Variants in FBF1 observed in about 807,000 individuals in gnomAD.
FBF1 encodes fas-binding factor 1.
Under a neutral mutation model 147.2 loss-of-function variants are expected in FBF1, and 119 were observed. The ratio of observed to expected loss-of-function variants is 0.81; its 90% CI spans 0.70 to 0.94. FBF1 has a LOEUF of 0.94. Among genes scored for constraint, FBF1 ranks in the 40% least tolerant of loss-of-function variants. The pLI, the probability that FBF1 is intolerant of heterozygous loss-of-function variation, is 0.00. For synonymous variants in FBF1, 601 were observed against 609.0 expected (o/e 0.99, Z 0.19); for missense variants, 1,449 against 1,500.8 (o/e 0.97, Z 0.57).
In FBF1 at chr17:75,914,241, C is replaced by A; in HGVS notation, c.2872G>T (p.Ala958Ser). The change falls in exon 26 of 30, where the codon GCA becomes TCA. Residue 958 changes from alanine (A) to serine (S), a missense_variant. Physicochemically the swap from Ala to Ser is moderately conservative, Grantham distance 99. Coordinates refer to ENST00000636174, the MANE Select transcript of FBF1 (RefSeq NM_001319193.2). ...TGCTCCAGGGCTGCTCTCTCCGCTG[C>A]CAGCTGCTTCTCCTCGGCCCGGAGC... ...SELRAEEKQL[A>S]AERAALEQER... 6.3e-7 allele frequency: 1 copy of A among 1,594,042 alleles called. No individual in the cohort carries two copies. The highest frequency in any genetic ancestry group is 8.5e-7 in the Non-Finnish European group (1 of 1,172,676).
rs2065505453 is a variant in FBF1 at position 75,918,802 on chromosome 17, TTTC to T, written c.2139-536_2139-534del. On this transcript the variant is annotated intron_variant, in intron 20 of 29. Coordinates refer to ENST00000636174, the MANE Select transcript of FBF1 (RefSeq NM_001319193.2). This position sits in a 1 kb window ranked among gnomAD's most constrained non-coding sequence, Gnocchi z 5.8. ...CCACCACGCCCGGCCCCAAGCAGTC[TTTC>T]TTTTTTTTTTTTTTTTTCCTAGAGA... 6.7e-6 allele frequency among the ~76,000 whole-genome samples: 1 copy of T among 149,344 alleles called. No individual in the cohort carries two copies. The highest frequency in any genetic ancestry group is 1.5e-5 in the Non-Finnish European group (1 of 67,614).
Position 75,912,279 on chromosome 17 carries a change from A to G in FBF1, c.3276T>C (p.Arg1092=). The G allele has an allele frequency of 6.2e-7, 1 of 1,608,644 alleles. No homozygotes were observed. Among genetic ancestry groups the G allele is most frequent in the South Asian group, 1.1e-5 (1 of 90,320 alleles). ...SALMPPAPTT[R]WCSQPPTGLD... ...GGCCAGTTGGCGGCTGGCTGCACCA[A>G]CGGGTGGTGGGAGCAGGAGGCATGA... Residue 1092 remains arginine, a synonymous_variant, in exon 29 of 30, where the codon CGT becomes CGC. Coordinates refer to ENST00000636174, the MANE Select transcript of FBF1 (RefSeq NM_001319193.2).
chr17:75,923,486 G>C lies in FBF1; in HGVS notation c.1124C>G (p.Thr375Ser). Reference sequence around the variant, plus strand: ...TGAACTTTCCCGATGGGCCTCTCTGGTGGGTGAGGCAGGGAACAGGTCCAA... The same window carrying C: ...TGAACTTTCCCGATGGGCCTCTCTGCTGGGTGAGGCAGGGAACAGGTCCAA... ...EDLDLFPASP[T>S]REAHRESSVP... The change falls in exon 14 of 30, where the codon ACC (threonine) becomes AGC (serine). Residue 375 changes from threonine to serine, a missense_variant. Thr to Ser is a moderately conservative substitution (Grantham distance 58). Transcript: ENST00000636174. The surrounding 1 kb of genome is among the most constrained non-coding windows in gnomAD (Gnocchi z 4.1). 2 of 1,608,172 alleles carry C rather than the reference G, an allele frequency of 1.2e-6. No homozygotes were observed. Among genetic ancestry groups the C allele is most frequent in the South Asian group, 1.1e-5 (1 of 89,694 alleles).
rs1252981374 is a variant in FBF1, at chr17:75,919,052, G to C, written c.2138+616C>G. ...GTTTCCCAAGTAGCTGGAACTACAG[G>C]AGTAGCTGTCATGCCAGCTTATTTA... On this transcript the variant is annotated intron_variant, in intron 20 of 29. Transcript: ENST00000636174. The surrounding 1 kb of genome is among the most constrained non-coding windows in gnomAD (Gnocchi z 5.0). 6.6e-6 allele frequency among the ~76,000 whole-genome samples: 1 copy of C among 152,006 alleles called. No homozygotes were observed. The highest frequency in any genetic ancestry group is 1.5e-5 in the Non-Finnish European group (1 of 68,018).
Position 75,910,739 on chromosome 17 carries a change from G to A in FBF1, c.3431C>T (p.Thr1144Ile), listed in dbSNP as rs1170395278. The A allele has an allele frequency of 6.2e-6, 10 of 1,609,984 alleles. No homozygotes were observed. The highest frequency in any genetic ancestry group is 7.6e-6 in the Non-Finnish European group (9 of 1,178,412). The change falls in exon 30 of 30, where the codon ACA becomes ATA. Residue 1144 changes from threonine (T) to isoleucine (I), a missense_variant. By Grantham distance (89) the Thr-to-Ile change is moderately conservative. Transcript: ENST00000636174. The surrounding 1 kb of genome is among the most constrained non-coding windows in gnomAD (Gnocchi z 4.1). ...ETLKKGSYNL[T>I]SHSA ...GGGTCCCACTCAGGCTGAATGAGAT[G>A]TCAAATTGTAGGACCCTTTCTTCAG...
rs754918360 is a variant in FBF1 at position 75,919,996 on chromosome 17, C to T, written c.1931+11G>A. On this transcript the variant is annotated intron_variant, in intron 19 of 29. Coordinates refer to ENST00000636174, the MANE Select transcript of FBF1 (RefSeq NM_001319193.2). This position sits in a 1 kb window ranked among gnomAD's most constrained non-coding sequence, Gnocchi z 5.0. The stretch of plus-strand genomic sequence containing the variant: ...AGATCCAAGGCAGAGCTGGGGCCAG[C>T]GCCAGGGTACCTGTGTGCACTCTCG... 2.7e-5 allele frequency: 43 copies of T among 1,607,830 alleles called. No homozygotes were observed. The highest frequency in any genetic ancestry group is 1.9e-4 in the South Asian group (17 of 90,558).
chr17:75,926,098 A>G lies in FBF1; in HGVS notation c.800T>C (p.Leu267Pro), dbSNP rs753223321. The change falls in exon 12 of 30, where the codon CTC becomes CCC. Residue 267 changes from leucine (L) to proline (P), a missense_variant. Leu to Pro is a moderately conservative substitution (Grantham distance 98). Transcript: ENST00000636174. ...CTCCCCGGTGCCCGGGCGGGCCAGG[A>G]GTTTGGTGGCCATGCCTCGACCCAG... ...ELLGRGMATK[L>P]LARPGTGEHR... 1 of 1,612,142 alleles carries G rather than the reference A, an allele frequency of 6.2e-7. No homozygotes were observed. The highest frequency in any genetic ancestry group is 1.1e-5 in the South Asian group (1 of 90,916).
In FBF1 at chr17:75,927,501, CG is replaced by C. The variant is rs1555613652; in HGVS notation, c.428del (p.Pro143ArgfsTer22). On this transcript the variant is annotated frameshift_variant, in exon 9 of 30. Coordinates refer to ENST00000636174, the MANE Select transcript of FBF1 (RefSeq NM_001319193.2). LOFTEE classifies it high-confidence loss of function. ...GGAIPTKKSL[P>X]SPSSSGHQNR... ...TCTGATGCCCAGAGCTGCTGGGAGA[CG>C]GAAGTGACTTCTTGGTGGGAATGGC... 6 of 1,603,706 alleles carry C rather than the reference CG, an allele frequency of 3.7e-6. No individual in the cohort carries two copies. Among genetic ancestry groups the C allele is most frequent in the Non-Finnish European group, 5.1e-6 (6 of 1,175,820 alleles).
chr17:75,920,674 C>G (rs1247125012), intron 17 of FBF1, among the ~76,000 whole-genome samples: 2 of 152,214 alleles, frequency 1.3e-5, no homozygotes, highest in Non-Finnish European at 2.9e-5. Context: ...CCAGCATGGT[C>G]TCCGGCTTCC....
Position 75,909,648 on chromosome 17 carries a change from T to C in FBF1, c.*1075A>G, listed in dbSNP as rs2065446440. 3.5e-6 allele frequency: 2 copies of C among 569,472 alleles called. No individual in the cohort carries two copies. Among genetic ancestry groups the C allele is most frequent in the Admixed American group, 6.0e-5 (2 of 33,340 alleles). The allele number at this position is 569,472 out of a possible 1,614,324, so 35.3% of individuals were successfully genotyped here. A position where few individuals can be genotyped will look rare whatever the true frequency, so the allele number is the denominator to read the frequency against. On this transcript the variant is annotated 3_prime_UTR_variant, in exon 30 of 30. Coordinates refer to ENST00000636174, the MANE Select transcript of FBF1 (RefSeq NM_001319193.2). ...GTTTGAAGCAGGGCTAATAGTACCCTTCTCCTGGCTGTGGTCCAGCTGCCA... is the reference window on the plus strand; with the variant it reads ...GTTTGAAGCAGGGCTAATAGTACCCCTCTCCTGGCTGTGGTCCAGCTGCCA...
At chr17:75,932,902 C>A (rs1479621250) in intron 5 of FBF1, 93 bp downstream of exon 5, 2 of 708,890 alleles carry the variant, frequency 2.8e-6, no homozygotes, top group Non-Finnish European at 2.1e-6. Context: ...AAAAAAATGG[C>A]GAGCAAATGT....
At position 75,909,794 on chromosome 17, in the gene FBF1, C is replaced by T; in HGVS notation, c.*929G>A. The T allele has an allele frequency of 1.6e-6, 1 of 643,364 alleles. No homozygotes were observed. The highest frequency in any genetic ancestry group is 1.7e-5 in the South Asian group (1 of 58,320). 39.9% of individuals were successfully genotyped at this position (643,364 alleles called of 1,614,324 possible). A position where few individuals can be genotyped will look rare whatever the true frequency, so the allele number is the denominator to read the frequency against. ...CATCTGCCTGTTCTTTGGGACTTGT[C>T]CAGCAAATAACAGGAAACATTTTCT... is the stretch of plus-strand genomic sequence containing the variant. On this transcript the variant is annotated 3_prime_UTR_variant, in exon 30 of 30. Transcript: ENST00000636174.
intron 25 of FBF1, 49 bp from the exon 26 acceptor site, chr17:75,914,347 G>A: frequency 6.5e-7 from 1 of 1,548,132 alleles, no homozygotes; most frequent in Non-Finnish European, 8.7e-7. Context: ...GAATTGCGCT[G>A]CACTCTGTGC....
chr17:75,912,154 C>G, intron 29 of FBF1, 38 bp downstream of exon 29: 1 of 1,560,746 alleles, frequency 6.4e-7, no homozygotes, highest in East Asian at 2.3e-5. Flanking sequence ...TGGAAGGACT[C>G]GTGAACACAA....
rs79198103 is a variant in FBF1 at position 75,918,127 on chromosome 17, A to G, written c.2246+35T>C. 71 of 1,609,810 alleles carry G rather than the reference A, an allele frequency of 4.4e-5. No individual in the cohort carries two copies. The highest frequency in any genetic ancestry group is 1.6e-4 in the African/African-American group (12 of 74,958). ...GGTCTCGGGGACCTTCCGGCCCCCA[A>G]CGTCAGGCGGGCATGGTTGGGGCAG... On this transcript the variant is annotated intron_variant, in intron 21 of 29. Coordinates refer to ENST00000636174, the MANE Select transcript of FBF1 (RefSeq NM_001319193.2). The surrounding 1 kb of genome is among the most constrained non-coding windows in gnomAD (Gnocchi z 5.8).
In FBF1 at chr17:75,914,922, A is replaced by G. The variant is rs2065479338; in HGVS notation, c.2639T>C (p.Leu880Pro). The change falls in exon 25 of 30, where the codon CTG becomes CCG. Residue 880 changes from leucine (L) to proline (P), a missense_variant. Transcript: ENST00000636174. Reference protein sequence around the residue: ...AELERAKSALLEEQKSVMLKC... With the variant: ...AELERAKSALPEEQKSVMLKC... The stretch of plus-strand genomic sequence containing the variant: ...GAGCATGACAGACTTCTGCTCCTCC[A>G]GCAAGGCGCTCTGGGATGTGGGGGT... 6.2e-7 allele frequency: 1 copy of G among 1,611,262 alleles called. No homozygotes were observed. The highest frequency in any genetic ancestry group is 8.5e-7 in the Non-Finnish European group (1 of 1,178,894).
chr17:75,910,615 T>C lies in FBF1; in HGVS notation c.*108A>G, dbSNP rs2065451239. The C allele has an allele frequency of 2.1e-6, 2 of 947,984 alleles. No homozygotes were observed. Among genetic ancestry groups the C allele is most frequent in the South Asian group, 3.0e-5 (2 of 65,924 alleles). 58.7% of individuals were successfully genotyped at this position (947,984 alleles called of 1,614,324 possible). A position where few individuals can be genotyped will look rare whatever the true frequency, so the allele number is the denominator to read the frequency against. ...TCCACGGAAGAGCTGTCATCAGGCC[T>C]CAAGCATCTCAGAATCCTCCCCAGG... On this transcript the variant is annotated 3_prime_UTR_variant, in exon 30 of 30. Transcript: ENST00000636174. The surrounding 1 kb of genome is among the most constrained non-coding windows in gnomAD (Gnocchi z 4.1).
At position 75,930,043 on chromosome 17, in the gene FBF1, GA is replaced by G; in HGVS notation, c.232del (p.Ser78GlnfsTer15). On this transcript the variant is annotated frameshift_variant, in exon 7 of 30. Coordinates refer to ENST00000636174, the MANE Select transcript of FBF1 (RefSeq NM_001319193.2). LOFTEE classifies it high-confidence loss of function. ...CTGTGGGTCTGCCTCTGAGATACCT[GA>G]AACCTAAGTCCACAATGAGGGTGAG... ...AGLEEADAEV[S>X]GISEADPQAL... 6.6e-7 allele frequency: 1 copy of G among 1,505,580 alleles called. No individual in the cohort carries two copies. Among genetic ancestry groups the G allele is most frequent in the Non-Finnish European group, 8.9e-7 (1 of 1,122,522 alleles). The allele number at this position is 1,505,580 out of a possible 1,614,324, so 93.3% of individuals were successfully genotyped here.
At chr17:75,940,038 C>T (rs1232321620) in intron 1 of FBF1, among the ~76,000 whole-genome samples, 2 of 150,656 alleles carry the variant, frequency 1.3e-5, no homozygotes, top group African/African-American at 4.9e-5. Context: ...CTCAGCCTCC[C>T]GGGTTCAAGC....
Sources: allele counts gnomAD v4.1 joint callset (sites outside exome capture counted in the v4.1 genomes callset), GRCh38; gene constraint gnomAD v4.1.1; non-coding constraint Gnocchi (gnomAD v3.1); transcripts MANE v1.5; gene names NCBI Gene and HGNC (gene_info 2026-07-23, HGNC 2026-07-21).